Variants in PCTP observed in about 807,000 individuals in gnomAD.
The protein encoded by PCTP is phosphatidylcholine transfer protein.
A neutral mutation model predicts 31.0 loss-of-function variants in PCTP; 27 were observed. The ratio of observed to expected loss-of-function variants is 0.87; its 90% CI spans 0.64 to 1.20. The LOEUF (loss-of-function observed/expected upper bound fraction) is 1.20. PCTP is among the 50% of genes most tolerant of loss of function. The pLI, the probability that PCTP is intolerant of heterozygous loss-of-function variation, is 0.00. For missense variants in PCTP, 287 were observed against 268.2 expected (o/e 1.07, Z -0.49); for synonymous variants, 108 against 101.2 (o/e 1.07, Z -0.40).
intron 1 of PCTP, among the ~76,000 whole-genome samples, chr17:55,759,725 G>A (rs554632462): frequency 8.5e-5 from 13 of 152,284 alleles, no homozygotes; most frequent in African/African-American, 3.1e-4. Flanking sequence ...AGTTAGTGGT[G>A]TAAATTCAGA....
chr17:55,810,205 C>T (rs1051310075), intron 3 of PCTP, among the ~76,000 whole-genome samples: 2 of 152,190 alleles, frequency 1.3e-5, no homozygotes, highest in African/African-American at 4.8e-5. Flanking sequence ...TTTGTAGAGA[C>T]AGGGTCTCAC....
rs1386150942 is a variant in PCTP at position 55,776,422 on chromosome 17, T to C, written c.*322T>C. Reference sequence around the variant, plus strand: ...GCTTGCTTACTATTAGGAGGGGAAGTCTTCAGTAGGGAACACGATCATTCC... The same window carrying C: ...GCTTGCTTACTATTAGGAGGGGAAGCCTTCAGTAGGGAACACGATCATTCC... On this transcript the variant is annotated 3_prime_UTR_variant, in exon 6 of 6. Transcript: ENST00000268896. 4.8e-6 allele frequency: 6 copies of C among 1,242,428 alleles called. No homozygotes were observed. Among genetic ancestry groups the C allele is most frequent in the Non-Finnish European group, 6.0e-6 (6 of 994,730 alleles). 77.0% of individuals were successfully genotyped at this position (1,242,428 alleles called of 1,614,324 possible).
intron 3 of PCTP, among the ~76,000 whole-genome samples, chr17:55,801,686 A>G (rs1347039529): frequency 6.6e-6 from 1 of 152,202 alleles, no homozygotes; most frequent in African/African-American, 2.4e-5. Context: ...GACACAATGT[A>G]CCAGAATCTC....
chr17:55,790,577 C>T (rs1005509492), intron 3 of PCTP, among the ~76,000 whole-genome samples: 1 of 149,348 alleles, frequency 6.7e-6, no homozygotes, highest in Non-Finnish European at 1.5e-5. Context: ...GAATAAAATA[C>T]CTAGGAATCC....
chr17:55,826,083 A>G (rs1905386211), downstream of PCTP, among the ~76,000 whole-genome samples: 1 of 152,246 alleles, frequency 6.6e-6, no homozygotes, highest in South Asian at 2.1e-4. Flanking sequence ...GTTAAGTGTA[A>G]GTAGCAAAGC....
At chr17:55,829,045 C>A (rs1376010633) in intron 5 of PCTP, among the ~76,000 whole-genome samples, 1 of 151,950 alleles carries the variant, frequency 6.6e-6, no homozygotes, top group Non-Finnish European at 1.5e-5. Flanking sequence ...AGGACCACAG[C>A]CATGGGGAAA....
In PCTP at chr17:55,773,785, T is replaced by C. The variant is rs369313255; in HGVS notation, c.401T>C (p.Leu134Pro). The C allele has an allele frequency of 5.0e-6, 8 of 1,613,800 alleles. No individual in the cohort carries two copies. In the African/African-American group the frequency reaches 1.1e-4, roughly 22 times the overall value. ...GAAGGGAGGAAGATCCATGTGATCCTGGCCCGGAGCACCTCCATGCCTCAG... is the reference window on the plus strand; with the variant it reads ...GAAGGGAGGAAGATCCATGTGATCCCGGCCCGGAGCACCTCCATGCCTCAG... ...DMEGRKIHVI[L>P]ARSTSMPQLG... The change falls in exon 4 of 6, where the codon CTG becomes CCG. Residue 134 changes from leucine (L) to proline (P), a missense_variant. Coordinates refer to ENST00000268896, the MANE Select transcript of PCTP (RefSeq NM_021213.4).
chr17:55,851,923 C>T, the PCTP span, among the ~76,000 whole-genome samples: 1 of 149,022 alleles, frequency 6.7e-6, no homozygotes, highest in Non-Finnish European at 1.5e-5. Context: ...CCAGAGGAGG[C>T]TACAATCCTG....
intron 5 of PCTP, among the ~76,000 whole-genome samples, chr17:55,828,887 A>G (rs12103525): frequency 0.17 from 25,434 of 152,146 alleles, 2,210 homozygotes; most frequent in Middle Eastern, 0.26. Flanking sequence ...GGAGTGCCGG[A>G]TATGGCCCCA....
At chr17:55,782,145 G>A (rs1043341437), downstream of PCTP, among the ~76,000 whole-genome samples, 4 of 152,198 alleles carry the variant, frequency 2.6e-5, no homozygotes, top group African/African-American at 9.7e-5. Flanking sequence ...CAGTCAGGCA[G>A]GAGGCATTGC....
At position 55,777,101 on chromosome 17, in the gene PCTP, T is replaced by G. The variant is rs1911376481; in HGVS notation, c.*1001T>G. 12 of 985,902 alleles carry G rather than the reference T, an allele frequency of 1.2e-5. No individual in the cohort carries two copies. Among genetic ancestry groups the G allele is most frequent in the Non-Finnish European group, 1.4e-5 (12 of 829,940 alleles). 61.1% of individuals were successfully genotyped at this position (985,902 alleles called of 1,614,324 possible). A position where few individuals can be genotyped will look rare whatever the true frequency, so the allele number is the denominator to read the frequency against. ...TCTCAGGAATTCTGCCTAAGTTGTCTGCCTTTTCTACCACCAAAAAGACTT... is the reference window on the plus strand; with the variant it reads ...TCTCAGGAATTCTGCCTAAGTTGTCGGCCTTTTCTACCACCAAAAAGACTT... On this transcript the variant is annotated 3_prime_UTR_variant, in exon 6 of 6. Coordinates refer to ENST00000268896, the MANE Select transcript of PCTP (RefSeq NM_021213.4).
At chr17:55,819,879 A>G (rs1913057955) in intron 3 of PCTP, among the ~76,000 whole-genome samples, 2 of 152,372 alleles carry the variant, frequency 1.3e-5, no homozygotes, top group East Asian at 3.9e-4. Flanking sequence ...ATTACAATAA[A>G]TTGATTTTCC....
downstream of PCTP, among the ~76,000 whole-genome samples, chr17:55,781,659 C>T (rs1229945792): frequency 6.6e-6 from 1 of 152,130 alleles, no homozygotes; most frequent in Non-Finnish European, 1.5e-5. Context: ...GCAGTGGTGC[C>T]ATAAGATTAT....
At chr17:55,770,895 C>CTTT (rs5821104) in intron 2 of PCTP, 171 of 307,500 alleles carry the variant, frequency 5.6e-4, no homozygotes, top group South Asian at 1.4e-3. Context: ...GATTTTTTTG[C>CTTT]TTTTTTTTTT....
At chr17:55,763,809 G>T (rs1910477934) in intron 1 of PCTP, among the ~76,000 whole-genome samples, 1 of 152,108 alleles carries the variant, frequency 6.6e-6, no homozygotes, top group South Asian at 2.1e-4. Context: ...AATGAGTGTG[G>T]TTGCTGAGAT....
chr17:55,817,486 A>G (rs1190311140), intron 3 of PCTP, among the ~76,000 whole-genome samples: 1 of 152,218 alleles, frequency 6.6e-6, no homozygotes, highest in Non-Finnish European at 1.5e-5. Flanking sequence ...GGTGGCCTTG[A>G]CTGCAGATCC....
At chr17:55,805,422 C>G (rs74634994) in intron 3 of PCTP, among the ~76,000 whole-genome samples, 54 of 152,122 alleles carry the variant, frequency 3.5e-4, no homozygotes, top group Admixed American at 9.8e-4. Context: ...CATGTGTACC[C>G]ATTGTTTACT....
intron 2 of PCTP, among the ~76,000 whole-genome samples, chr17:55,783,422 T>A (rs1289870463): frequency 6.6e-6 from 1 of 152,108 alleles, no homozygotes; most frequent in Non-Finnish European, 1.5e-5. Flanking sequence ...GGACTGTGGG[T>A]GGAAGGACAG....
At chr17:55,811,980 A>G (rs1912766979) in intron 3 of PCTP, among the ~76,000 whole-genome samples, 1 of 152,000 alleles carries the variant, frequency 6.6e-6, no homozygotes. Flanking sequence ...TGTATCAAGC[A>G]TTTTCCTGTA....
Sources: allele counts gnomAD v4.1 joint callset (sites outside exome capture counted in the v4.1 genomes callset), GRCh38; gene constraint gnomAD v4.1.1; transcripts MANE v1.5; gene names NCBI Gene and HGNC (gene_info 2026-07-23, HGNC 2026-07-21).